DOK6: variants seen among roughly 807,000 people sequenced by gnomAD.
DOK6 encodes downstream of tyrosine kinase 6.
A neutral mutation model predicts 44.0 loss-of-function variants in DOK6; 22 were observed. That is an observed-to-expected ratio of 0.50 (90% CI 0.36 to 0.71). The LOEUF (loss-of-function observed/expected upper bound fraction) is 0.71, where lower values mean the gene tolerates loss of function less well. Ranked by LOEUF, DOK6 falls within the 30% of genes least tolerant of loss-of-function variation. The pLI, the probability that DOK6 is intolerant of heterozygous loss-of-function variation, is 0.00. For missense variants in DOK6, 340 were observed against 416.4 expected (o/e 0.82, Z 1.60); for synonymous variants, 166 against 145.5 (o/e 1.14, Z -1.01).
intron 1 of DOK6, among the ~76,000 whole-genome samples, chr18:69,526,608 G>A (rs1981838618): frequency 6.6e-6 from 1 of 152,078 alleles, no homozygotes; most frequent in Non-Finnish European, 1.5e-5. Context: ...ATATATCCCT[G>A]AGAGTAAAAT....
At chr18:69,445,934 A>G (rs1353513192) in intron 1 of DOK6, among the ~76,000 whole-genome samples, 1 of 152,092 alleles carries the variant, frequency 6.6e-6, no homozygotes, top group African/African-American at 2.4e-5. Context: ...TTTATATAAG[A>G]TCTGTAGTAA....
chr18:69,432,649 AG>A (rs1978840423), intron 1 of DOK6, among the ~76,000 whole-genome samples: 1 of 152,180 alleles, frequency 6.6e-6, no homozygotes, highest in Admixed American at 6.6e-5. Context: ...TCACAGTTTG[AG>A]TAATTATATA....
chr18:69,527,112 G>T (rs969309659), intron 1 of DOK6, among the ~76,000 whole-genome samples: 2 of 152,114 alleles, frequency 1.3e-5, no homozygotes, highest in Non-Finnish European at 2.9e-5. Flanking sequence ...CAACTTTATC[G>T]ATTAGATTCA....
intron 4 of DOK6, among the ~76,000 whole-genome samples, chr18:69,688,398 A>C (rs1284444701): frequency 6.6e-6 from 1 of 152,232 alleles, no homozygotes; most frequent in African/African-American, 2.4e-5. Flanking sequence ...GGAAAAGCCA[A>C]GTTGAAACCG....
intron 5 of DOK6, among the ~76,000 whole-genome samples, chr18:69,702,499 C>A (rs1275007407): frequency 2.0e-5 from 3 of 152,216 alleles, no homozygotes; most frequent in African/African-American, 2.4e-5. Flanking sequence ...CAGGCAACAG[C>A]AGCCACATCA....
chr18:69,651,050 A>G (rs1321315745), intron 3 of DOK6, among the ~76,000 whole-genome samples: 1 of 152,230 alleles, frequency 6.6e-6, no homozygotes, highest in Admixed American at 6.5e-5. Flanking sequence ...GGAGAGATGT[A>G]GAAGGCATAT....
rs1985111303 is a variant in DOK6, at chr18:69,647,362, T to C, written c.290-30372T>C. ...CTCTCTTGGTTGAAGGGTATGATGT[T>C]GGAGGGTATGTAGAGAAATAAGGCA... On this transcript the variant is annotated intron_variant, in intron 3 of 7. Coordinates refer to ENST00000382713, the MANE Select transcript of DOK6 (RefSeq NM_152721.6). 3 of 152,180 alleles carry C rather than the reference T, an allele frequency of 2.0e-5. No homozygotes were observed. In the South Asian group the frequency reaches 6.2e-4, roughly 32 times the overall value. The allele number at this position is 152,180 out of a possible 1,614,324, so 9.4% of individuals were successfully genotyped here.
At chr18:69,677,905 A>T in intron 4 of DOK6, 52 bp downstream of exon 4, 3 of 1,573,690 alleles carry the variant, frequency 1.9e-6, no homozygotes, top group Non-Finnish European at 2.6e-6. Flanking sequence ...TAATTGTAGA[A>T]CTTTGAAACT....
At position 69,841,467 on chromosome 18, in the gene DOK6, C is replaced by G. The variant is rs1359803746; in HGVS notation, c.*84C>G. 1 of 1,560,758 alleles carries G rather than the reference C, an allele frequency of 6.4e-7. No individual in the cohort carries two copies. Among genetic ancestry groups the G allele is most frequent in the Non-Finnish European group, 8.7e-7 (1 of 1,150,396 alleles). On this transcript the variant is annotated 3_prime_UTR_variant, in exon 8 of 8. Transcript: ENST00000382713. ...CATTACCCTCTGCCTCCTGGAAGAC[C>G]AATTGCAGTACAAATTGAAATGGGT...
intron 5 of DOK6, among the ~76,000 whole-genome samples, chr18:69,715,534 C>A (rs1487771158): frequency 6.6e-6 from 1 of 152,224 alleles, no homozygotes; most frequent in East Asian, 1.9e-4. Flanking sequence ...CTCACGCACC[C>A]TGTTGCATGA....
At chr18:69,820,528 T>C (rs1315703865) in intron 7 of DOK6, among the ~76,000 whole-genome samples, 2 of 152,164 alleles carry the variant, frequency 1.3e-5, no homozygotes, top group Admixed American at 1.3e-4. Context: ...AAACTTGCTA[T>C]TTTTAAATCA....
rs1328952201 is a variant in DOK6, at chr18:69,450,701, C to T, written c.66+49391C>T. Among the ~76,000 whole-genome samples the T allele has an allele frequency of 2.6e-5, 4 of 151,692 alleles. No individual in the cohort carries two copies. The East Asian group carries it at 7.8e-4, about 30-fold the overall frequency. On this transcript the variant is annotated intron_variant, in intron 1 of 7. Transcript: ENST00000382713. ...CTCAAAGGGAAGCCCATCAGACTAA[C>T]AGCGGATCTCTTGGCAGAAACCCTA...
At chr18:69,409,565 C>T (rs117211067) in intron 1 of DOK6, among the ~76,000 whole-genome samples, 3,190 of 152,302 alleles carry the variant, frequency 0.021, 74 homozygotes, top group Admixed American at 0.078. Context: ...GCACTCCCCA[C>T]CTCTGCACCA....
At chr18:69,625,965 G>A (rs988236833) in intron 3 of DOK6, among the ~76,000 whole-genome samples, 11 of 152,138 alleles carry the variant, frequency 7.2e-5, no homozygotes, top group African/African-American at 1.2e-4. Context: ...AAAAAATATG[G>A]TCTGATCCCT....
chr18:69,655,678 G>A (rs1444695697), intron 3 of DOK6, among the ~76,000 whole-genome samples: 6 of 148,510 alleles, frequency 4.0e-5, no homozygotes, highest in African/African-American at 7.4e-5. Flanking sequence ...GCTTGAACCC[G>A]GGAGGTGGAG....
intron 1 of DOK6, among the ~76,000 whole-genome samples, chr18:69,420,261 C>G (rs1221476196): frequency 6.6e-6 from 1 of 151,646 alleles, no homozygotes; most frequent in Non-Finnish European, 1.5e-5. Flanking sequence ...TTTTCAGTTA[C>G]TATTTTGACT....
intron 4 of DOK6, among the ~76,000 whole-genome samples, chr18:69,689,646 A>C (rs537432900): frequency 1.3e-5 from 2 of 152,172 alleles, no homozygotes; most frequent in East Asian, 3.8e-4. Flanking sequence ...TTCAGATTTT[A>C]GTACTCAATG....
At chr18:69,619,507 T>G (rs1984391190) in intron 3 of DOK6, among the ~76,000 whole-genome samples, 1 of 152,232 alleles carries the variant, frequency 6.6e-6, no homozygotes, top group Admixed American at 6.5e-5. Flanking sequence ...ACATGCCTCT[T>G]GGAATTCCCA....
At chr18:69,758,215 G>T (rs189535393) in intron 7 of DOK6, among the ~76,000 whole-genome samples, 1 of 152,062 alleles carries the variant, frequency 6.6e-6, no homozygotes, top group African/African-American at 2.4e-5. Flanking sequence ...TTCTTTTTTC[G>T]CATCTTTTTT....
Sources: allele counts gnomAD v4.1 joint callset (sites outside exome capture counted in the v4.1 genomes callset), GRCh38; gene constraint gnomAD v4.1.1; transcripts MANE v1.5; gene names NCBI Gene and HGNC (gene_info 2026-07-23, HGNC 2026-07-21).